Variants in FGL1 observed in about 807,000 individuals in gnomAD.
FGL1 encodes fibrinogen like 1.
In FGL1, 59 loss-of-function variants were observed where a neutral mutation model predicts 43.7. The observed-to-expected ratio is 1.35, with a 90% CI of 1.10 to 1.68. The LOEUF (loss-of-function observed/expected upper bound fraction) is 1.68. Among genes scored for constraint, FGL1 ranks in the 40% most tolerant of loss-of-function variants. FGL1 has a pLI of 0.00. For missense variants in FGL1, 596 were observed against 373.0 expected, an observed-to-expected ratio of 1.60 and a Z score of -4.92; for synonymous variants, 192 against 126.5, an observed-to-expected ratio of 1.52 and a Z score of -3.48.
intron 3 of FGL1, among the ~76,000 whole-genome samples, chr8:17,880,241 C>T (rs142341907): frequency 1.3e-5 from 2 of 152,190 alleles, no homozygotes; most frequent in African/African-American, 4.8e-5. Flanking sequence ...ATAAGAGAAG[C>T]AGGAGCCCAG....
chr8:17,874,372 T>C lies in FGL1; in HGVS notation c.394A>G (p.Asn132Asp). ...TCATAATTAGCACACCTGTTAAAGT[T>C]TTCACTGCCATCAGATCGTCTCTGA... ...VIQRRSDGSE[N>D]FNRGWKDYEN... Residue 132 changes from asparagine (N) to aspartate (D), a missense_variant, in exon 4 of 8, where the codon AAC becomes GAC. By Grantham distance (23) the Asn-to-Asp change is conservative. Coordinates refer to ENST00000427924, the MANE Select transcript of FGL1 (RefSeq NM_004467.4). The C allele has an allele frequency of 2.5e-6, 4 of 1,612,596 alleles. No individual in the cohort carries two copies. The highest frequency in any genetic ancestry group is 3.4e-6 in the Non-Finnish European group (4 of 1,179,540).
chr8:17,895,432 C>G lies in FGL1; in HGVS notation c.-18+15G>C. On this transcript the variant is annotated intron_variant, in intron 1 of 7. Transcript: ENST00000427924. ...TACAAGCATGTCAAAAATGCAGAGA[C>G]ATTAAATAACTTGCCTAAAGTCAGA... 7.8e-7 allele frequency: 1 copy of G among 1,283,170 alleles called. No homozygotes were observed. The highest frequency in any genetic ancestry group is 1.0e-6 in the Non-Finnish European group (1 of 984,438). 79.5% of individuals were successfully genotyped at this position (1,283,170 alleles called of 1,614,324 possible).
chr8:17,882,753 A>AATATAT (rs1291885173), intron 2 of FGL1: 5 of 116,694 alleles, frequency 4.3e-5, no homozygotes, highest in African/African-American at 1.3e-4. Flanking sequence ...TATAATATAT[A>AATATAT]TAATATATAA....
chr8:17,874,606 G>T lies in FGL1; in HGVS notation c.245-85C>A, dbSNP rs1022409526. 9 of 1,009,846 alleles carry T rather than the reference G, an allele frequency of 8.9e-6. No homozygotes were observed. The African/African-American group carries it at 1.5e-4, about 16-fold the overall frequency. 62.6% of individuals were successfully genotyped at this position (1,009,846 alleles called of 1,614,324 possible). On this transcript the variant is annotated intron_variant, in intron 3 of 7. Transcript: ENST00000427924. ...GGGAGCCTCTGAATGAGACTACTCA[G>T]TATCACTGGAGACAGATAACACATG...
At chr8:17,887,222 G>C (rs2053641438) in intron 1 of FGL1, among the ~76,000 whole-genome samples, 1 of 152,142 alleles carries the variant, frequency 6.6e-6, no homozygotes, top group African/African-American at 2.4e-5. Flanking sequence ...AGGAACAGCA[G>C]AGCTTCACCG....
chr8:17,886,513 T>C (rs2053630430), intron 1 of FGL1, among the ~76,000 whole-genome samples: 1 of 152,026 alleles, frequency 6.6e-6, no homozygotes, highest in Non-Finnish European at 1.5e-5. Flanking sequence ...ATCCCAGCAC[T>C]TTGGGAGGTC....
rs142859296 is a variant in FGL1 at position 17,894,594 on chromosome 8, A to C, written c.-18+853T>G. Among the ~76,000 whole-genome samples the C allele has an allele frequency of 1.4e-5, 2 of 146,986 alleles. 1 individual carries two copies. The highest frequency in any genetic ancestry group is 5.4e-5 in the African/African-American group (2 of 37,300). On this transcript the variant is annotated intron_variant, in intron 1 of 7. Coordinates refer to ENST00000427924, the MANE Select transcript of FGL1 (RefSeq NM_004467.4). ...TAGTCCATTTTATTTTTAATTTTTT[A>C]TACTGAAACTGTAAACCTATCATTT...
Position 17,871,809 on chromosome 8 carries a change from C to T in FGL1, c.502+2210G>A, listed in dbSNP as rs189667935. Among the ~76,000 whole-genome samples the T allele has an allele frequency of 5.9e-4, 90 of 152,176 alleles. 2 individuals are homozygous for T. The highest frequency in any genetic ancestry group is 5.2e-3 in the Admixed American group (80 of 15,286). On this transcript the variant is annotated intron_variant, in intron 5 of 7. Transcript: ENST00000427924. ...ACTGAAAAACACGTTTTTTCTCCAA[C>T]GAGATTAGCCAGCCTGAGTACCAAG...
chr8:17,880,388 A>G (rs1212800137), intron 3 of FGL1, among the ~76,000 whole-genome samples: 1 of 152,246 alleles, frequency 6.6e-6, no homozygotes, highest in Non-Finnish European at 1.5e-5. Flanking sequence ...CACAACTCCT[A>G]TATCCTACAC....
intron 3 of FGL1, among the ~76,000 whole-genome samples, chr8:17,880,151 C>T (rs2053513602): frequency 6.6e-6 from 1 of 152,192 alleles, no homozygotes. Flanking sequence ...TAGCCATCCC[C>T]ACTACTGCAG....
In FGL1 at chr8:17,892,785, C is replaced by G. The variant is rs748235166; in HGVS notation, c.-18+2662G>C. ...TCAAAAATTAAAAATCATGAAATGT[C>G]TGTATCTTCTAGACTTTGCTTTAAT... On this transcript the variant is annotated intron_variant, in intron 1 of 7. Transcript: ENST00000427924. Among the ~76,000 whole-genome samples, 5 of 152,166 alleles carry G rather than the reference C, an allele frequency of 3.3e-5. 1 individual carries two copies. The highest frequency in any genetic ancestry group is 7.4e-5 in the Non-Finnish European group (5 of 68,006).
intron 3 of FGL1, 92 bp downstream of exon 3, chr8:17,881,907 G>A: frequency 2.9e-6 from 3 of 1,048,730 alleles, no homozygotes; most frequent in Non-Finnish European, 2.8e-6. Context: ...GCTTGTTACT[G>A]AAATAGGAAA....
intron 3 of FGL1, 108 bp downstream of exon 3, chr8:17,881,891 C>T (rs2053541719): frequency 4.5e-6 from 4 of 884,232 alleles, no homozygotes; most frequent in Non-Finnish European, 5.2e-6. Context: ...TATAATGCTT[C>T]ATATTGCTTG....
chr8:17,889,366 A>G (rs761191968), intron 1 of FGL1, among the ~76,000 whole-genome samples: 2 of 152,166 alleles, frequency 1.3e-5, no homozygotes, highest in Non-Finnish European at 2.9e-5. Context: ...CCTGGCCAAC[A>G]TGATAAAACT....
chr8:17,888,925 G>C (rs1169420410), intron 1 of FGL1, among the ~76,000 whole-genome samples: 1 of 152,160 alleles, frequency 6.6e-6, no homozygotes, highest in Non-Finnish European at 1.5e-5. Context: ...ACTAGAAAAT[G>C]ACTGACCTAC....
At chr8:17,891,783 T>A in intron 1 of FGL1, 1 of 983,904 alleles carries the variant, frequency 1.0e-6, no homozygotes, top group South Asian at 4.7e-5. Flanking sequence ...TAAGATGTCT[T>A]TATCAGATTC....
intron 1 of FGL1, among the ~76,000 whole-genome samples, chr8:17,892,549 C>T (rs888139144): frequency 7.9e-5 from 12 of 152,064 alleles, no homozygotes; most frequent in African/African-American, 2.9e-4. Context: ...ATCAGCATAA[C>T]GACATGACAT....
chr8:17,882,888 TCTC>T (rs1345557124), intron 2 of FGL1, among the ~76,000 whole-genome samples: 11 of 109,712 alleles, frequency 1.0e-4, no homozygotes, highest in African/African-American at 2.2e-4. Context: ...ATATAATATA[TCTC>T]ATATATAATA....
At chr8:17,872,668 T>C (rs1438780328) in intron 5 of FGL1, among the ~76,000 whole-genome samples, 1 of 152,168 alleles carries the variant, frequency 6.6e-6, no homozygotes. Context: ...TTGCCTTTTA[T>C]GAAGGATTCA....
Sources: gnomAD v4.1 joint callset for allele counts (sites outside exome capture counted in the v4.1 genomes callset) on GRCh38, gnomAD v4.1.1 for gene constraint, MANE v1.5 for transcripts, NCBI Gene and HGNC (gene_info 2026-07-23, HGNC 2026-07-21) for gene names.